STK32B: variants seen among roughly 807,000 people sequenced by gnomAD.
STK32B encodes the protein serine/threonine kinase 32B.
A neutral mutation model predicts 52.6 loss-of-function variants in STK32B; 43 were observed. The observed-to-expected ratio is 0.82, with a 90% confidence interval of 0.64 to 1.05. The LOEUF (loss-of-function observed/expected upper bound fraction) is 1.05. STK32B is among the 50% of genes least tolerant of loss of function. The pLI, the probability that STK32B is intolerant of heterozygous loss-of-function variation, is 0.00. For missense variants in STK32B, 621 were observed against 534.6 expected (o/e 1.16, Z -1.59); for synonymous variants, 238 against 204.3 (o/e 1.17, Z -1.41).
chr4:5,342,343 A>G (rs1403111830), intron 4 of STK32B, among the ~76,000 whole-genome samples: 2 of 152,224 alleles, frequency 1.3e-5, no homozygotes, highest in African/African-American at 4.8e-5. Context: ...AATGTGGCAC[A>G]TATACACCAT....
chr4:5,381,015 A>T (rs985914352), intron 4 of STK32B, among the ~76,000 whole-genome samples: 29 of 152,076 alleles, frequency 1.9e-4, no homozygotes, highest in African/African-American at 6.5e-4. Flanking sequence ...GTAAATGACC[A>T]CGCTGATCAT....
At chr4:5,244,426 C>T (rs574122094) in intron 3 of STK32B, among the ~76,000 whole-genome samples, 247 of 152,218 alleles carry the variant, frequency 1.6e-3, no homozygotes, top group African/African-American at 5.8e-3. Context: ...GGTGATATGC[C>T]CATTGTCATT....
At chr4:5,321,436 A>G (rs1731482025) in intron 3 of STK32B, among the ~76,000 whole-genome samples, 1 of 152,134 alleles carries the variant, frequency 6.6e-6, no homozygotes, top group African/African-American at 2.4e-5. Context: ...GCTTCATCTT[A>G]TTTAATCAAG....
At chr4:5,062,392 A>G (rs1020938930) in intron 1 of STK32B, among the ~76,000 whole-genome samples, 1 of 152,190 alleles carries the variant, frequency 6.6e-6, no homozygotes, top group African/African-American at 2.4e-5. Flanking sequence ...CATGAACCTC[A>G]CCATCCAACA....
At chr4:5,356,858 C>T (rs567660535) in intron 4 of STK32B, among the ~76,000 whole-genome samples, 6 of 152,152 alleles carry the variant, frequency 3.9e-5, no homozygotes, top group African/African-American at 1.4e-4. Context: ...ATTAGCCAGA[C>T]GTGGTGGCAC....
At chr4:5,020,469 T>G in the STK32B span, among the ~76,000 whole-genome samples, 1 of 152,186 alleles carries the variant, frequency 6.6e-6, no homozygotes, top group Non-Finnish European at 1.5e-5. Flanking sequence ...CTGTCTCTGT[T>G]AAATCCAGCA....
At chr4:5,060,165 C>T (rs1308572796) in intron 1 of STK32B, among the ~76,000 whole-genome samples, 3 of 152,086 alleles carry the variant, frequency 2.0e-5, no homozygotes, top group Admixed American at 6.5e-5. Flanking sequence ...AGAGTTTTTC[C>T]ACGTTAGTCA....
intron 3 of STK32B, among the ~76,000 whole-genome samples, chr4:5,231,813 G>GAA (rs999186353): frequency 6.6e-6 from 1 of 152,136 alleles, no homozygotes; most frequent in African/African-American, 2.4e-5. Context: ...GAGTTGAAGA[G>GAA]AAAGAGATCA....
chr4:5,224,221 C>G (rs1486660122), intron 3 of STK32B, among the ~76,000 whole-genome samples: 1 of 152,138 alleles, frequency 6.6e-6, no homozygotes, highest in Non-Finnish European at 1.5e-5. Context: ...GGGAGGAATA[C>G]TCTGGTTTAA....
chr4:5,463,491 CACAT>C (rs1717192798), intron 9 of STK32B, among the ~76,000 whole-genome samples: 1 of 152,150 alleles, frequency 6.6e-6, no homozygotes, highest in Admixed American at 6.5e-5. Flanking sequence ...GTCACACTCA[CACAT>C]AGACACACAT....
chr4:5,177,761 A>G (rs1017087382), intron 3 of STK32B, among the ~76,000 whole-genome samples: 2 of 152,248 alleles, frequency 1.3e-5, no homozygotes, highest in Admixed American at 6.5e-5. Context: ...CACAAGTCCA[A>G]AATCCAACAG....
At chr4:5,046,740 C>A (rs751164312), upstream of STK32B, among the ~76,000 whole-genome samples, 1 of 152,088 alleles carries the variant, frequency 6.6e-6, no homozygotes, top group Non-Finnish European at 1.5e-5. Context: ...TGAAAAAAAA[C>A]TCAACATCAA....
chr4:5,179,805 G>A (rs1041345932), intron 3 of STK32B, among the ~76,000 whole-genome samples: 2 of 152,228 alleles, frequency 1.3e-5, no homozygotes, highest in African/African-American at 2.4e-5. Context: ...TCTGAGGGCT[G>A]ATGTTGGCCT....
chr4:5,350,106 A>G (rs1733730520), intron 4 of STK32B, among the ~76,000 whole-genome samples: 1 of 152,178 alleles, frequency 6.6e-6, no homozygotes, highest in Admixed American at 6.5e-5. Context: ...AGACATCCAG[A>G]TACAAGAAGT....
chr4:5,053,980 A>AAAATAAATAAATAAATAAAT (rs558541378), intron 1 of STK32B, among the ~76,000 whole-genome samples: 1 of 147,420 alleles, frequency 6.8e-6, no homozygotes, highest in Non-Finnish European at 1.5e-5. Flanking sequence ...GCTCCATCTC[A>AAAATAAATAAATAAATAAAT]AAATAAATAA....
At chr4:5,132,158 T>C (rs979527700) in intron 1 of STK32B, among the ~76,000 whole-genome samples, 1 of 152,228 alleles carries the variant, frequency 6.6e-6, no homozygotes, top group Non-Finnish European at 1.5e-5. Context: ...CCATATTTTC[T>C]TTATCCAGTC....
chr4:5,164,784 T>C lies in STK32B; in HGVS notation c.109-3515T>C, dbSNP rs140836824. Among the ~76,000 whole-genome samples, 794 of 152,338 alleles carry C rather than the reference T, an allele frequency of 5.2e-3. 3 individuals are homozygous for C. Among genetic ancestry groups the C allele is most frequent in the African/African-American group, 0.018 (752 of 41,582 alleles). On this transcript the variant is annotated intron_variant, in intron 2 of 11. Coordinates refer to ENST00000282908, the MANE Select transcript of STK32B (RefSeq NM_018401.3). ...CCCTGCTCAGGAGTAGCCCCTGAGC[T>C]CAAACTCTCTGTGACTCTGTGACTC... is the stretch of plus-strand genomic sequence containing the variant.
intron 3 of STK32B, among the ~76,000 whole-genome samples, chr4:5,303,853 T>G (rs72613200): frequency 1.3e-5 from 2 of 152,152 alleles, no homozygotes; most frequent in Non-Finnish European, 2.9e-5. Flanking sequence ...AGTTGATTTT[T>G]GTATAGGGTG....
intron 3 of STK32B, among the ~76,000 whole-genome samples, chr4:5,281,183 A>T (rs916199452): frequency 8.6e-5 from 13 of 152,038 alleles, no homozygotes; most frequent in Non-Finnish European, 1.9e-4. Context: ...GCAAGGGGGA[A>T]ATCTGTCCCC....
Sources: gnomAD v4.1 joint callset for allele counts (sites outside exome capture counted in the v4.1 genomes callset) on GRCh38, gnomAD v4.1.1 for gene constraint, MANE v1.5 for transcripts, NCBI Gene and HGNC (gene_info 2026-07-23, HGNC 2026-07-21) for gene names.